Variants in ITK observed in about 807,000 individuals in gnomAD.
The protein encoded by ITK is tyrosine-protein kinase ITK/TSK.
ITK carries 45 observed loss-of-function variants against 87.6 expected under a neutral mutation model. The ratio of observed to expected loss-of-function variants is 0.51; its 90% CI spans 0.40 to 0.66. The LOEUF (loss-of-function observed/expected upper bound fraction) is 0.66. Ranked by LOEUF, ITK falls within the 30% of genes least tolerant of loss-of-function variation. The pLI is 0.00. For missense variants in ITK, 605 were observed against 766.3 expected (o/e 0.79, Z 2.48); for synonymous variants, 303 against 273.6 (o/e 1.11, Z -1.06).
intron 1 of ITK, among the ~76,000 whole-genome samples, chr5:157,191,317 G>A (rs999681341): frequency 1.3e-5 from 2 of 151,980 alleles, no homozygotes; most frequent in Non-Finnish European, 2.9e-5. Flanking sequence ...TGATGGGAAA[G>A]TGCCTGGTGT....
chr5:157,255,113 T>A lies in ITK; in HGVS notation c.*2435T>A, dbSNP rs1755224831. ...AATGTTACAAATACCTGTTATCCTT[T>A]GTAGAGCACACAGAGTTAAAAGTTG... On this transcript the variant is annotated 3_prime_UTR_variant, in exon 17 of 17. Transcript: ENST00000422843. 4 of 190,366 alleles carry A rather than the reference T, an allele frequency of 2.1e-5. No individual in the cohort carries two copies. 11.8% of individuals were successfully genotyped at this position (190,366 alleles called of 1,614,324 possible).
chr5:157,217,802 T>C, intron 4 of ITK, 65 bp from the exon 5 acceptor site: 1 of 1,441,016 alleles, frequency 6.9e-7, no homozygotes, highest in Non-Finnish European at 9.8e-7. Context: ...CCCTGGCTGC[T>C]CACTTCCGGT....
intron 3 of ITK, 83 bp from the exon 4 acceptor site, chr5:157,214,108 C>A: frequency 1.8e-6 from 2 of 1,102,650 alleles, no homozygotes; most frequent in Non-Finnish European, 2.8e-6. Flanking sequence ...TCAGCCAGGT[C>A]TAATCTCGAG....
intron 8 of ITK, among the ~76,000 whole-genome samples, chr5:157,237,028 A>G (rs1215958459): frequency 6.6e-6 from 1 of 152,242 alleles, no homozygotes; most frequent in Non-Finnish European, 1.5e-5. Flanking sequence ...AACTAAAAAT[A>G]AAATTATTAT....
chr5:157,184,983 A>C (rs1292806400), intron 1 of ITK, among the ~76,000 whole-genome samples: 1 of 151,834 alleles, frequency 6.6e-6, no homozygotes, highest in Non-Finnish European at 1.5e-5. Context: ...GAGGGTCTCC[A>C]CTCCTCATGG....
intron 6 of ITK, among the ~76,000 whole-genome samples, chr5:157,223,392 C>T (rs1488637998): frequency 1.3e-5 from 2 of 151,736 alleles, no homozygotes; most frequent in Non-Finnish European, 2.9e-5. Flanking sequence ...TTAGGAAGTG[C>T]TTATTTTTGG....
At chr5:157,229,543 T>C (rs1263207687) in intron 7 of ITK, among the ~76,000 whole-genome samples, 1 of 152,054 alleles carries the variant, frequency 6.6e-6, no homozygotes, top group African/African-American at 2.4e-5. Flanking sequence ...TCTCTAAAAT[T>C]AATGTCCTGG....
chr5:157,247,367 C>T (rs1040196691), intron 15 of ITK, among the ~76,000 whole-genome samples: 7 of 152,162 alleles, frequency 4.6e-5, no homozygotes, highest in African/African-American at 9.7e-5. Flanking sequence ...GATGACTCCC[C>T]TCTCCCCAGT....
rs571059906 is a variant in ITK at position 157,236,269 on chromosome 5, G to A, written c.769-1840G>A. On this transcript the variant is annotated intron_variant, in intron 8 of 16. Coordinates refer to ENST00000422843, the MANE Select transcript of ITK (RefSeq NM_005546.4). ...GGGCACCTGTAATTCCAGCTACTTG[G>A]AAAGTTGAAGGAAGACAGTCACTTG... 1.3e-3 allele frequency among the ~76,000 whole-genome samples: 196 copies of A among 152,078 alleles called. 1 individual carries two copies. The highest frequency in any genetic ancestry group is 4.5e-3 in the African/African-American group (187 of 41,472).
chr5:157,218,604 C>A (rs921002875), intron 5 of ITK, among the ~76,000 whole-genome samples: 1 of 151,830 alleles, frequency 6.6e-6, no homozygotes, highest in Non-Finnish European at 1.5e-5. Flanking sequence ...CAAAGCACTT[C>A]CACCCCTTTA....
chr5:157,217,935 A>C, intron 5 of ITK, 28 bp downstream of exon 5: 13 of 1,603,444 alleles, frequency 8.1e-6, no homozygotes, highest in Non-Finnish European at 1.0e-5. Context: ...CTCCGGGTGC[A>C]GGTGGGCCCA....
At chr5:157,220,313 A>G (rs1286416189) in intron 5 of ITK, among the ~76,000 whole-genome samples, 1 of 152,196 alleles carries the variant, frequency 6.6e-6, no homozygotes, top group African/African-American at 2.4e-5. Context: ...AAGGTCGTAT[A>G]TCACATTGAA....
At chr5:157,190,395 T>C (rs1256453751) in intron 1 of ITK, among the ~76,000 whole-genome samples, 1 of 152,232 alleles carries the variant, frequency 6.6e-6, no homozygotes, top group East Asian at 1.9e-4. Flanking sequence ...TATTCATTTG[T>C]TCCGCAAACA....
At position 157,203,996 on chromosome 5, in the gene ITK, G is replaced by A. The variant is rs17054354; in HGVS notation, c.139-4893G>A. ...AATATTTTCTTCACATGCCTCTGTA[G>A]TATTTTGTTTTGTTTGTTTGCTTGT... On this transcript the variant is annotated intron_variant, in intron 1 of 16. Coordinates refer to ENST00000422843, the MANE Select transcript of ITK (RefSeq NM_005546.4). 4.0e-3 allele frequency among the ~76,000 whole-genome samples: 612 copies of A among 152,294 alleles called. 5 individuals carry two copies. Among genetic ancestry groups the A allele is most frequent in the African/African-American group, 0.014 (574 of 41,570 alleles).
At chr5:157,233,150 C>T (rs1190941299) in intron 8 of ITK, among the ~76,000 whole-genome samples, 1 of 152,072 alleles carries the variant, frequency 6.6e-6, no homozygotes, top group Non-Finnish European at 1.5e-5. Context: ...CTTTGGGGAC[C>T]TCTCTTCTTC....
chr5:157,207,443 C>A (rs1178974886), intron 1 of ITK, among the ~76,000 whole-genome samples: 2 of 118,988 alleles, frequency 1.7e-5, no homozygotes, highest in African/African-American at 6.5e-5. Flanking sequence ...TGCAATGGTG[C>A]GGTCTCCACT....
intron 1 of ITK, among the ~76,000 whole-genome samples, chr5:157,191,765 G>T (rs1753757828): frequency 1.3e-5 from 2 of 152,052 alleles, no homozygotes; most frequent in Admixed American, 6.6e-5. Flanking sequence ...AGGAATAGGT[G>T]AACTTATCTG....
chr5:157,250,179 G>A (rs555221594), intron 16 of ITK, among the ~76,000 whole-genome samples: 21 of 152,170 alleles, frequency 1.4e-4, no homozygotes, highest in Non-Finnish European at 2.6e-4. Context: ...AGACAGAATA[G>A]TTTTACTGCA....
chr5:157,234,443 A>C (rs1754735211), intron 8 of ITK, among the ~76,000 whole-genome samples: 1 of 152,184 alleles, frequency 6.6e-6, no homozygotes, highest in Non-Finnish European at 1.5e-5. Flanking sequence ...GCTGTTTTTG[A>C]AACAATAGCT....
Sources: allele counts gnomAD v4.1 joint callset (sites outside exome capture counted in the v4.1 genomes callset), GRCh38; gene constraint gnomAD v4.1.1; transcripts MANE v1.5; gene names NCBI Gene and HGNC (gene_info 2026-07-23, HGNC 2026-07-21).